Variants in ARHGEF33 observed in about 807,000 individuals in gnomAD.
The protein encoded by ARHGEF33 is DH and coiled-coil domain-containing protein ENSP00000381780.
ARHGEF33 carries 72 observed loss-of-function variants against 101.9 expected under a neutral mutation model. That is an observed-to-expected ratio of 0.71 (90% CI 0.58 to 0.86). The LOEUF is 0.86. Among genes scored for constraint, ARHGEF33 ranks in the 40% least tolerant of loss-of-function variants. ARHGEF33 has a pLI of 0.00. For synonymous variants in ARHGEF33, 499 were observed against 442.5 expected, an observed-to-expected ratio of 1.13 and a Z score of -1.60; for missense variants, 1,169 against 1,111.3, an observed-to-expected ratio of 1.05 and a Z score of -0.74.
intron 15 of ARHGEF33, 171 bp from the exon 16 acceptor site, chr2:38,959,670 C>G: frequency 1.4e-6 from 1 of 698,878 alleles, no homozygotes. Flanking sequence ...CTTGTCCACT[C>G]TCCGCCTGGG....
intron 3 of ARHGEF33, among the ~76,000 whole-genome samples, chr2:38,920,196 A>G (rs1267411798): frequency 6.6e-6 from 1 of 152,162 alleles, no homozygotes; most frequent in East Asian, 1.9e-4. Flanking sequence ...AATGTTTGCA[A>G]CCAGGGGCTT....
At chr2:38,929,681 T>G in intron 5 of ARHGEF33, 28 bp from the exon 6 acceptor site, 1 of 1,547,158 alleles carries the variant, frequency 6.5e-7, no homozygotes, top group Non-Finnish European at 8.7e-7. Flanking sequence ...ATGTACCACG[T>G]TAAAACATAG....
At chr2:38,958,276 C>A in intron 15 of ARHGEF33, 78 bp downstream of exon 15, 1 of 1,497,092 alleles carries the variant, frequency 6.7e-7, no homozygotes, top group Non-Finnish European at 9.0e-7. Context: ...AGCAGGGCAG[C>A]CTAGATTCCT....
chr2:38,970,136 G>A (rs1400191463), intron 17 of ARHGEF33, among the ~76,000 whole-genome samples: 4 of 152,100 alleles, frequency 2.6e-5, no homozygotes, highest in African/African-American at 4.8e-5. Context: ...CTACTTCCTC[G>A]CTCATTCTCT....
At position 38,934,936 on chromosome 2, in the gene ARHGEF33, G is replaced by A. The variant is rs377603202; in HGVS notation, c.506-839G>A. On this transcript the variant is annotated intron_variant, in intron 7 of 17. Transcript: ENST00000409978. ...CTTATGGGTACTGAGGGGAAGAAAC[G>A]GAGCAGCCAGTGTCAGGGTCCCGTG... is the stretch of plus-strand genomic sequence containing the variant. 7.9e-5 allele frequency among the ~76,000 whole-genome samples: 12 copies of A among 151,938 alleles called. No individual in the cohort carries two copies. In the East Asian group the frequency reaches 2.1e-3, roughly 27 times the overall value.
chr2:38,966,672 A>G (rs925443320), intron 17 of ARHGEF33, among the ~76,000 whole-genome samples: 1 of 152,192 alleles, frequency 6.6e-6, no homozygotes, highest in Admixed American at 6.5e-5. Flanking sequence ...GTTAGAAATC[A>G]CTTTAATGGA....
chr2:38,959,296 A>C (rs1009146792), intron 15 of ARHGEF33: 5 of 152,260 alleles, frequency 3.3e-5, no homozygotes, highest in African/African-American at 1.2e-4. Context: ...CTTTACAGTG[A>C]CAAGGAATAT....
At chr2:38,908,399 T>G (rs888884261) in intron 2 of ARHGEF33, among the ~76,000 whole-genome samples, 1 of 152,220 alleles carries the variant, frequency 6.6e-6, no homozygotes, top group African/African-American at 2.4e-5. Flanking sequence ...AGCCCTGATC[T>G]GAAACTTTTG....
intron 7 of ARHGEF33, among the ~76,000 whole-genome samples, chr2:38,933,387 T>G (rs182300965): frequency 3.0e-4 from 46 of 152,186 alleles, no homozygotes; most frequent in East Asian, 7.7e-4. Flanking sequence ...GTTTTGTTTT[T>G]TTTTTCTTTT....
Position 38,937,675 on chromosome 2 carries a change from A to G in ARHGEF33, c.790+116A>G, listed in dbSNP as rs575979276. 3 of 662,366 alleles carry G rather than the reference A, an allele frequency of 4.5e-6. No individual in the cohort carries two copies. In the African/African-American group the frequency reaches 5.5e-5, roughly 12 times the overall value. 41.0% of individuals were successfully genotyped at this position (662,366 alleles called of 1,614,324 possible). On this transcript the variant is annotated intron_variant, in intron 9 of 17. Coordinates refer to ENST00000409978, the MANE Select transcript of ARHGEF33 (RefSeq NM_001145451.5). ...ATTCAGTGGACACATGAGGCCACCT[A>G]GTTCCTGGTTTCCTTTTCAGATGAA...
chr2:38,951,920 T>C (rs1667617331), intron 11 of ARHGEF33, among the ~76,000 whole-genome samples: 1 of 152,188 alleles, frequency 6.6e-6, no homozygotes, highest in African/African-American at 2.4e-5. Flanking sequence ...CAAATGCCTA[T>C]GGGGCCAGAC....
At chr2:38,919,635 A>G (rs1666712701) in intron 3 of ARHGEF33, among the ~76,000 whole-genome samples, 163 bp downstream of exon 3, 1 of 152,236 alleles carries the variant, frequency 6.6e-6, no homozygotes, top group Non-Finnish European at 1.5e-5. Context: ...CTGAAAAAAT[A>G]GGAAATGCTA....
At chr2:38,944,876 G>GGGGTGTGTGT (rs1553343310) in intron 10 of ARHGEF33, among the ~76,000 whole-genome samples, 1 of 145,648 alleles carries the variant, frequency 6.9e-6, no homozygotes, top group African/African-American at 2.6e-5. Context: ...GTAATGCATG[G>GGGGTGTGTGT]GTGTGTGTGT....
At chr2:38,895,943 T>C (rs116784893) in intron 2 of ARHGEF33, 94 bp downstream of exon 2, 1 of 152,300 alleles carries the variant, frequency 6.6e-6, no homozygotes, top group African/African-American at 2.4e-5. Context: ...AGCAGAAGTA[T>C]TATAAATTTC....
At chr2:38,903,522 C>G (rs1572740137) in intron 2 of ARHGEF33, among the ~76,000 whole-genome samples, 1 of 151,808 alleles carries the variant, frequency 6.6e-6, no homozygotes, top group Non-Finnish European at 1.5e-5. Flanking sequence ...ATGGCAGACA[C>G]TAGGGGACAA....
chr2:38,964,376 C>T (rs1668008855), intron 16 of ARHGEF33, among the ~76,000 whole-genome samples: 1 of 152,020 alleles, frequency 6.6e-6, no homozygotes, highest in South Asian at 2.1e-4. Context: ...TTAATTGTCA[C>T]TTGCCACTTA....
chr2:38,946,583 T>C (rs572346473), intron 10 of ARHGEF33, among the ~76,000 whole-genome samples: 1 of 152,304 alleles, frequency 6.6e-6, no homozygotes, highest in African/African-American at 2.4e-5. Flanking sequence ...ACTCATTATC[T>C]TTCTTCTTTA....
chr2:38,923,814 A>G (rs1666811104), intron 4 of ARHGEF33, among the ~76,000 whole-genome samples: 2 of 152,230 alleles, frequency 1.3e-5, no homozygotes, highest in African/African-American at 2.4e-5. Context: ...AACAAATGCC[A>G]AAGTGGATTA....
chr2:38,950,695 C>G (rs1013051573), intron 10 of ARHGEF33, among the ~76,000 whole-genome samples: 6 of 152,136 alleles, frequency 3.9e-5, no homozygotes, highest in African/African-American at 1.4e-4. Context: ...GGTGATCCGC[C>G]CAACTCCCAA....
Sources: allele counts gnomAD v4.1 joint callset (sites outside exome capture counted in the v4.1 genomes callset), GRCh38; gene constraint gnomAD v4.1.1; transcripts MANE v1.5; gene names NCBI Gene and HGNC (gene_info 2026-07-23, HGNC 2026-07-21).